The following NAV2 variants were observed in gnomAD, a reference collection of about 807,000 sequenced individuals.
NAV2 encodes the protein neuron navigator 2, also known as helicase, APC down-regulated 1.
Under a neutral mutation model 223.2 loss-of-function variants are expected in NAV2, and 54 were observed. The ratio of observed to expected loss-of-function variants is 0.24; its 90% CI spans 0.19 to 0.30. The LOEUF (loss-of-function observed/expected upper bound fraction) is 0.30. Ranked by LOEUF, NAV2 falls within the 10% of genes least tolerant of loss-of-function variation. NAV2 has a pLI of 1.00. For missense variants in NAV2, 2,806 were observed against 3,147.5 expected, an observed-to-expected ratio of 0.89 and a Z score of 2.60; for synonymous variants, 1,279 against 1,239.3, an observed-to-expected ratio of 1.03 and a Z score of -0.67.
intron 1 of NAV2, among the ~76,000 whole-genome samples, chr11:19,572,193 C>T (rs911893298): frequency 9.9e-5 from 15 of 152,208 alleles, no homozygotes; most frequent in Admixed American, 9.2e-4. Context: ...TGCTGCCTTC[C>T]GGATGTCAGT....
intron 1 of NAV2, among the ~76,000 whole-genome samples, chr11:19,720,892 A>T (rs1444701228): frequency 6.6e-6 from 1 of 152,240 alleles, no homozygotes; most frequent in African/African-American, 2.4e-5. Context: ...TCTGAGCTTC[A>T]GTAGCCTCAC....
intron 11 of NAV2, among the ~76,000 whole-genome samples, chr11:20,014,368 T>G (rs543287558): frequency 1.3e-5 from 2 of 152,314 alleles, no homozygotes; most frequent in African/African-American, 4.8e-5. Context: ...AAATAAACAT[T>G]TGAACTCTCT....
intron 11 of NAV2, among the ~76,000 whole-genome samples, chr11:20,032,028 C>T (rs1283129290): frequency 6.6e-6 from 1 of 152,118 alleles, no homozygotes; most frequent in East Asian, 1.9e-4. Flanking sequence ...TCATTTGTAC[C>T]CTGAATGGGA....
At chr11:19,805,336 T>C (rs1043709808) in intron 1 of NAV2, among the ~76,000 whole-genome samples, 3 of 152,148 alleles carry the variant, frequency 2.0e-5, no homozygotes, top group African/African-American at 7.2e-5. Flanking sequence ...ATTAACAGTT[T>C]CTCCACTGTC....
intron 1 of NAV2, among the ~76,000 whole-genome samples, chr11:19,793,414 T>A (rs1237295565): frequency 6.6e-6 from 1 of 152,142 alleles, no homozygotes; most frequent in Non-Finnish European, 1.5e-5. Flanking sequence ...GAAAAGCCAA[T>A]CAAATCAGCT....
intron 1 of NAV2, among the ~76,000 whole-genome samples, chr11:19,652,925 C>A (rs1987420): frequency 0.85 from 129,177 of 152,262 alleles, 56,403 homozygotes; most frequent in Middle Eastern, 0.96. Context: ...TAACCAGTTT[C>A]CTGTTGATGG....
intron 1 of NAV2, among the ~76,000 whole-genome samples, chr11:19,359,079 A>G (rs563335827): frequency 6.6e-6 from 1 of 152,242 alleles, no homozygotes; most frequent in African/African-American, 2.4e-5. Flanking sequence ...GACAGTTGAC[A>G]TTCCAAATGA....
In NAV2 at chr11:20,045,156, G is replaced by A. The variant is rs993622951; in HGVS notation, c.3388G>A (p.Ala1130Thr). ...GTTCAAGAAGCAGAGTGGTTCCGCC[G>A]CCGGCCTGGCCATGATCACAGCCAG... is the stretch of plus-strand genomic sequence containing the variant. ...FGFKKQSGSA[A>T]GLAMITASGV... Residue 1130 changes from alanine (A) to threonine (T), a missense_variant, in exon 14 of 38, where the codon GCC becomes ACC. Transcript: ENST00000349880. 26 of 1,613,966 alleles carry A rather than the reference G, an allele frequency of 1.6e-5. No individual in the cohort carries two copies. Among genetic ancestry groups the A allele is most frequent in the African/African-American group, 6.7e-5 (5 of 74,908 alleles).
intron 6 of NAV2, among the ~76,000 whole-genome samples, chr11:19,918,208 A>G (rs1358419964): frequency 4.6e-5 from 7 of 152,262 alleles, no homozygotes; most frequent in Non-Finnish European, 1.5e-5. Flanking sequence ...TGAGAGGATA[A>G]CATTGCATTC....
At chr11:19,826,883 T>G (rs2059660995) in intron 1 of NAV2, among the ~76,000 whole-genome samples, 1 of 152,248 alleles carries the variant, frequency 6.6e-6, no homozygotes, top group Non-Finnish European at 1.5e-5. Context: ...CAGCTCTACC[T>G]GGCGACCACT....
intron 1 of NAV2, among the ~76,000 whole-genome samples, chr11:19,670,108 T>G (rs1292984400): frequency 6.6e-6 from 1 of 152,150 alleles, no homozygotes; most frequent in Non-Finnish European, 1.5e-5. Context: ...TGAGCCTCAG[T>G]CCCTCACATA....
intron 5 of NAV2, among the ~76,000 whole-genome samples, chr11:19,887,965 A>T (rs1316879941): frequency 3.4e-5 from 5 of 145,540 alleles, no homozygotes; most frequent in Non-Finnish European, 6.0e-5. Flanking sequence ...TTTTTTTGCC[A>T]TCAGCACGTA....
intron 1 of NAV2, among the ~76,000 whole-genome samples, chr11:19,739,185 A>C (rs1288247892): frequency 9.2e-5 from 14 of 152,188 alleles, no homozygotes; most frequent in Admixed American, 9.2e-4. Context: ...CTCTGTCAAA[A>C]AAAGAAAAGA....
chr11:20,013,710 G>A lies in NAV2; in HGVS notation c.2769-22249G>A, dbSNP rs1052921126. Among the ~76,000 whole-genome samples the A allele has an allele frequency of 2.6e-5, 4 of 152,178 alleles. No individual in the cohort carries two copies. In the South Asian group the frequency reaches 8.3e-4, roughly 32 times the overall value. Reference sequence around the variant, plus strand: ...ACAATGCCCGGTCCCTAGAAAGTCTGCAGTAAATTCAAGGTCTGTCCCCAG... The same window carrying A: ...ACAATGCCCGGTCCCTAGAAAGTCTACAGTAAATTCAAGGTCTGTCCCCAG... On this transcript the variant is annotated intron_variant, in intron 11 of 37. Transcript: ENST00000349880.
At chr11:19,351,178 T>G (rs1853287862) in intron 1 of NAV2, among the ~76,000 whole-genome samples, 1 of 152,162 alleles carries the variant, frequency 6.6e-6, no homozygotes, top group African/African-American at 2.4e-5. Context: ...TATGTCTCGA[T>G]GCTGGGTGTC....
chr11:19,956,379 C>T (rs1222740675), intron 10 of NAV2, among the ~76,000 whole-genome samples: 4 of 148,712 alleles, frequency 2.7e-5, no homozygotes, highest in Non-Finnish European at 3.0e-5. Flanking sequence ...CACACACACA[C>T]ACACACACAC....
At chr11:20,015,431 C>G (rs978407777) in intron 11 of NAV2, among the ~76,000 whole-genome samples, 1 of 152,178 alleles carries the variant, frequency 6.6e-6, no homozygotes, top group Non-Finnish European at 1.5e-5. Flanking sequence ...TCAACTTTCA[C>G]CATTGCACAG....
At chr11:19,587,045 C>T (rs1314651852) in intron 1 of NAV2, among the ~76,000 whole-genome samples, 4 of 152,202 alleles carry the variant, frequency 2.6e-5, no homozygotes, top group South Asian at 2.1e-4. Context: ...GCTTCACGGC[C>T]GCTTTGTTTA....
chr11:19,727,382 C>T (rs1158561212), intron 1 of NAV2, among the ~76,000 whole-genome samples: 2 of 152,210 alleles, frequency 1.3e-5, no homozygotes. Flanking sequence ...CTCCCACAGT[C>T]CTTTGCTGTT....
Sources: allele counts gnomAD v4.1 joint callset (sites outside exome capture counted in the v4.1 genomes callset), GRCh38; gene constraint gnomAD v4.1.1; transcripts MANE v1.5; gene names NCBI Gene and HGNC (gene_info 2026-07-23, HGNC 2026-07-21).